Variants in SMG1 observed in about 807,000 individuals in gnomAD.
The protein encoded by SMG1 is serine/threonine-protein kinase SMG1.
A neutral mutation model predicts 419.9 loss-of-function variants in SMG1; 22 were observed. The ratio of observed to expected loss-of-function variants is 0.05; its 90% CI spans 0.04 to 0.07. SMG1 has a LOEUF of 0.07. SMG1 is among the 10% of genes least tolerant of loss of function. The probability of loss-of-function intolerance (pLI) is 1.00; values close to 1 mark genes in which losing one functional copy is unlikely to be tolerated. For missense variants in SMG1, 3,185 were observed against 4,342.0 expected, an observed-to-expected ratio of 0.73 and a Z score of 7.49; for synonymous variants, 1,538 against 1,553.5, an observed-to-expected ratio of 0.99 and a Z score of 0.23.
At chr16:18,810,941 T>C (rs2031330460) in intron 62 of SMG1, among the ~76,000 whole-genome samples, 1 of 152,196 alleles carries the variant, frequency 6.6e-6, no homozygotes, top group Non-Finnish European at 1.5e-5. Context: ...CTGGTGAGTC[T>C]AGGTAAAACG....
In SMG1 at chr16:18,816,389, C is replaced by G. The variant is rs1205785009; in HGVS notation, c.10215G>C (p.Gln3405His). 6.2e-7 allele frequency: 1 copy of G among 1,613,786 alleles called. No individual in the cohort carries two copies. The highest frequency in any genetic ancestry group is 1.3e-5 in the African/African-American group (1 of 74,908). ...CAGTCTTTATATTATCAACCAGATTCTGAATTGTTTCACAGACCGTTTCTA... is the reference window on the plus strand; with the variant it reads ...CAGTCTTTATATTATCAACCAGATTGTGAATTGTTTCACAGACCGTTTCTA... ...QQIETVCETI[Q>H]NLVDNIKTVL... Residue 3405 changes from glutamine to histidine, a missense_variant, in exon 58 of 63, where the codon CAG becomes CAC. Transcript: ENST00000446231.
intron 1 of SMG1, among the ~76,000 whole-genome samples, chr16:18,900,775 G>A (rs527347619): frequency 6.6e-6 from 1 of 152,296 alleles, no homozygotes; most frequent in East Asian, 1.9e-4. Flanking sequence ...TAGTCTCACT[G>A]TCACAGAGCA....
In SMG1 at chr16:18,879,396, T is replaced by G. The variant is rs936900991; in HGVS notation, c.1518+99A>C. On this transcript the variant is annotated intron_variant, in intron 11 of 62. Coordinates refer to ENST00000446231, the MANE Select transcript of SMG1 (RefSeq NM_015092.5). ...TCCCAAAGTGCTGGGATTACAAGCA[T>G]GAGCCACCATGCCCAGACAAAGCCC... 4 of 1,190,944 alleles carry G rather than the reference T, an allele frequency of 3.4e-6. 1 individual carries two copies. The highest frequency in any genetic ancestry group is 4.8e-6 in the Non-Finnish European group (4 of 833,946). The allele number at this position is 1,190,944 out of a possible 1,614,324, so 73.8% of individuals were successfully genotyped here.
At chr16:18,829,262 C>T in intron 54 of SMG1, 24 bp downstream of exon 54, 1 of 1,570,838 alleles carries the variant, frequency 6.4e-7, no homozygotes. Flanking sequence ...TGAGGAAAAA[C>T]ACATTATAAA....
intron 1 of SMG1, among the ~76,000 whole-genome samples, chr16:18,921,223 C>G (rs2142027899): frequency 6.6e-6 from 1 of 150,854 alleles, no homozygotes; most frequent in South Asian, 2.1e-4. Flanking sequence ...TGGTGGTATG[C>G]ACCTGTGGTC....
rs142078850 is a variant in SMG1 at position 18,817,393 on chromosome 16, C to T, written c.9972G>A (p.Ala3324=). 22 of 1,607,842 alleles carry T rather than the reference C, an allele frequency of 1.4e-5. No individual in the cohort carries two copies. Among genetic ancestry groups the T allele is most frequent in the East Asian group, 1.1e-4 (5 of 44,764 alleles). ...TRTAEALNLD[A]ALFELIKRCQ... Reference sequence around the variant, plus strand: ...ATCGCTTGATTAGTTCAAATAACGCCGCATCCAGGTTTAAGGCTTCTGCAG... The same window carrying T: ...ATCGCTTGATTAGTTCAAATAACGCTGCATCCAGGTTTAAGGCTTCTGCAG... The change falls in exon 57 of 63, where the codon GCG becomes GCA. Residue 3324 remains alanine (A), a synonymous_variant. Transcript: ENST00000446231.
chr16:18,885,661 T>C lies in SMG1; in HGVS notation c.828A>G (p.Val276=), dbSNP rs774013256. The change falls in exon 7 of 63, where the codon GTA becomes GTG. Residue 276 remains valine, a synonymous_variant. Transcript: ENST00000446231. Reference sequence around the variant, plus strand: ...CAAGAATAGACTGCAGGCTGGTCATTACAAGCTTAAAAATAAAAAGTTACA... The same window carrying C: ...CAAGAATAGACTGCAGGCTGGTCATCACAAGCTTAAAAATAAAAAGTTACA... The part of the protein sequence containing the change: ...KKAFSSVMQL[V]MTSLQSILEN... The C allele has an allele frequency of 3.8e-6, 6 of 1,595,932 alleles. No individual in the cohort carries two copies. The African/African-American group carries it at 4.0e-5, about 11-fold the overall frequency.
At chr16:18,857,045 G>A (rs1422867944) in intron 29 of SMG1, 2 of 152,206 alleles carry the variant, frequency 1.3e-5, no homozygotes, top group Non-Finnish European at 2.9e-5. Context: ...AAGCAGTTCA[G>A]AAGTTCACTG....
intron 1 of SMG1, among the ~76,000 whole-genome samples, chr16:18,914,625 A>C (rs2037903079): frequency 6.6e-6 from 1 of 152,068 alleles, no homozygotes; most frequent in African/African-American, 2.4e-5. Context: ...CAGAGTTTGC[A>C]GTGAGCCAAG....
At chr16:18,843,869 G>A (rs2034069346) in intron 39 of SMG1, among the ~76,000 whole-genome samples, 1 of 152,110 alleles carries the variant, frequency 6.6e-6, no homozygotes, top group Non-Finnish European at 1.5e-5. Flanking sequence ...AGAGAAGTGG[G>A]ACTTCTATAA....
At chr16:18,854,977 T>G in intron 29 of SMG1, 73 bp from the exon 30 acceptor site, 1 of 1,448,202 alleles carries the variant, frequency 6.9e-7, no homozygotes, top group East Asian at 2.3e-5. Flanking sequence ...GGCCAAAAAA[T>G]TATTCCCCAA....
intron 1 of SMG1, among the ~76,000 whole-genome samples, chr16:18,915,284 T>C (rs1007947690): frequency 4.7e-5 from 7 of 148,038 alleles, no homozygotes; most frequent in Non-Finnish European, 8.8e-5. Flanking sequence ...AATTACCGTA[T>C]TCTTTCTTCT....
chr16:18,851,153 C>A (rs922706901), intron 33 of SMG1, among the ~76,000 whole-genome samples: 1 of 152,244 alleles, frequency 6.6e-6, no homozygotes, highest in African/African-American at 2.4e-5. Flanking sequence ...CAGTACTGTG[C>A]ATGTATCAGA....
At chr16:18,818,226 T>G (rs1338158669) in intron 56 of SMG1, among the ~76,000 whole-genome samples, 2 of 151,736 alleles carry the variant, frequency 1.3e-5, no homozygotes, top group African/African-American at 2.4e-5. Flanking sequence ...CTACTAAAAA[T>G]ACAAAAAACT....
At chr16:18,884,251 T>C (rs2036526227) in intron 8 of SMG1, 84 bp from the exon 9 acceptor site, 3 of 622,922 alleles carry the variant, frequency 4.8e-6, no homozygotes, top group Non-Finnish European at 5.6e-6. Flanking sequence ...AAGAGGCTTG[T>C]TTTAAGAGGT....
chr16:18,883,007 G>A (rs1357569112), intron 9 of SMG1, among the ~76,000 whole-genome samples: 5 of 152,138 alleles, frequency 3.3e-5, no homozygotes, highest in African/African-American at 7.2e-5. Flanking sequence ...AAAAAAAGAC[G>A]TTCTAGGTGT....
chr16:18,860,878 AC>A (rs2035179584), intron 25 of SMG1, 102 bp from the exon 26 acceptor site: 1 of 571,536 alleles, frequency 1.7e-6, no homozygotes, highest in Admixed American at 3.4e-5. Flanking sequence ...ACAGCAAAGT[AC>A]ACAGCATTTT....
chr16:18,876,263 T>G lies in SMG1; in HGVS notation c.1751A>C (p.Gln584Pro), dbSNP rs766708407. The G allele has an allele frequency of 6.2e-7, 1 of 1,611,658 alleles. No individual in the cohort carries two copies. The highest frequency in any genetic ancestry group is 8.5e-7 in the Non-Finnish European group (1 of 1,179,708). ...TATTTCAGAACAGGCCTCAGGAAGT[T>G]GTAGACTGTGTAGGAGGTTGTTTAG... ...CALNNLLHSL[Q>P]LPEACSEIKH... The change falls in exon 13 of 63, where the codon CAA becomes CCA. Residue 584 changes from glutamine to proline, a missense_variant. Gln to Pro is a moderately conservative substitution (Grantham distance 76). Around this residue, in one of 27 missense-constraint regions of SMG1, gnomAD observed 297 missense variants for 491.0 expected, o/e 0.60. Transcript: ENST00000446231.
chr16:18,841,197 C>T (rs1021717850), intron 41 of SMG1, among the ~76,000 whole-genome samples: 6 of 152,000 alleles, frequency 3.9e-5, no homozygotes, highest in Non-Finnish European at 7.4e-5. Flanking sequence ...GCCAGGAGTT[C>T]GAGACCAACC....
Sources: allele counts gnomAD v4.1 joint callset (sites outside exome capture counted in the v4.1 genomes callset), GRCh38; gene constraint gnomAD v4.1.1; regional missense constraint gnomAD v4.1.1; transcripts MANE v1.5; gene names NCBI Gene and HGNC (gene_info 2026-07-23, HGNC 2026-07-21).